Variants in YES1 observed in about 807,000 individuals in gnomAD.
The protein encoded by YES1 is tyrosine-protein kinase Yes.
A neutral mutation model predicts 70.4 loss-of-function variants in YES1; 39 were observed. That is an observed-to-expected ratio of 0.55 (90% CI 0.43 to 0.72). The LOEUF (loss-of-function observed/expected upper bound fraction) is 0.72, where lower values mean the gene tolerates loss of function less well. Ranked by LOEUF, YES1 falls within the 30% of genes least tolerant of loss-of-function variation. The pLI, the probability that YES1 is intolerant of heterozygous loss-of-function variation, is 0.00. For missense variants in YES1, 495 were observed against 644.8 expected (o/e 0.77, Z 2.52); for synonymous variants, 198 against 218.6 (o/e 0.91, Z 0.83).
intron 1 of YES1, among the ~76,000 whole-genome samples, chr18:786,225 C>T (rs949478382): frequency 7.1e-6 from 1 of 140,980 alleles, no homozygotes; most frequent in Non-Finnish European, 1.5e-5. Context: ...ACAGGAATTA[C>T]TCAAATCACC....
intron 1 of YES1, among the ~76,000 whole-genome samples, chr18:757,430 G>A (rs1296649672): frequency 6.6e-6 from 1 of 151,316 alleles, no homozygotes; most frequent in African/African-American, 2.4e-5. Context: ...GTGAACCCGG[G>A]AGGCGGAGCT....
chr18:800,170 T>C (rs1415266637), intron 1 of YES1, among the ~76,000 whole-genome samples: 1 of 152,250 alleles, frequency 6.6e-6, no homozygotes. Context: ...AAAACATTTG[T>C]GGTTACTGCA....
At chr18:769,872 A>G (rs1238466706) in intron 1 of YES1, among the ~76,000 whole-genome samples, 1 of 152,028 alleles carries the variant, frequency 6.6e-6, no homozygotes, top group Non-Finnish European at 1.5e-5. Context: ...GTTCTTTAGT[A>G]GTATTTTCCT....
intron 1 of YES1, among the ~76,000 whole-genome samples, chr18:761,974 G>A (rs1249964958): frequency 1.3e-5 from 2 of 151,994 alleles, no homozygotes; most frequent in South Asian, 2.1e-4. Context: ...ATCACCTGAG[G>A]TCGGGAGTTT....
At position 758,347 on chromosome 18, in the gene YES1, A is replaced by G. The variant is rs149400716; in HGVS notation, c.-8-1512T>C. On this transcript the variant is annotated intron_variant, in intron 1 of 11. Transcript: ENST00000314574. The stretch of plus-strand genomic sequence containing the variant: ...CTATCATACAGGACAAAGTAGATCT[A>G]TACCTTTTCCCTTCCCTGTCAATGG... Among the ~76,000 whole-genome samples, 39 of 152,290 alleles carry G rather than the reference A, an allele frequency of 2.6e-4. No homozygotes were observed. In the East Asian group the frequency reaches 6.7e-3, roughly 26 times the overall value.
At chr18:787,246 C>T (rs1023939872) in intron 1 of YES1, among the ~76,000 whole-genome samples, 1 of 151,036 alleles carries the variant, frequency 6.6e-6, no homozygotes, top group African/African-American at 2.4e-5. Flanking sequence ...ACTACAGGTG[C>T]CCACCACCAA....
intron 8 of YES1, among the ~76,000 whole-genome samples, chr18:740,956 G>A (rs527616943): frequency 6.6e-4 from 100 of 152,222 alleles, no homozygotes; most frequent in Non-Finnish European, 1.1e-3. Context: ...GGAGTGCAGC[G>A]GTGTCATCTT....
chr18:746,122 G>A (rs1396123531), intron 4 of YES1, 71 bp from the exon 5 acceptor site: 1 of 1,116,276 alleles, frequency 9.0e-7, no homozygotes, highest in African/African-American at 1.6e-5. Context: ...GTGTCAGTAA[G>A]AATGGACTGG....
upstream of YES1, chr18:812,490 C>T (rs1907467032): frequency 1.3e-5 from 2 of 152,310 alleles, no homozygotes; most frequent in Non-Finnish European, 2.9e-5. Context: ...TCCGCGGGCT[C>T]CGGGCCGCTT....
intron 6 of YES1, among the ~76,000 whole-genome samples, chr18:745,333 T>C (rs927925305): frequency 1.3e-5 from 2 of 152,222 alleles, no homozygotes; most frequent in Non-Finnish European, 2.9e-5. Flanking sequence ...ATCCAGCCCA[T>C]GCAGAGGAAG....
chr18:766,482 C>T (rs1237961816), intron 1 of YES1, among the ~76,000 whole-genome samples: 3 of 150,972 alleles, frequency 2.0e-5, no homozygotes, highest in South Asian at 2.1e-4. Context: ...TCTATGTTTT[C>T]GTATTTATGG....
intron 1 of YES1, among the ~76,000 whole-genome samples, chr18:794,635 C>T (rs1906444337): frequency 2.0e-5 from 3 of 152,150 alleles, no homozygotes; most frequent in Admixed American, 6.5e-5. Context: ...ATTCAAGTGT[C>T]AGCAGGGCTA....
intron 3 of YES1, among the ~76,000 whole-genome samples, 186 bp downstream of exon 3, chr18:751,519 G>A (rs946503505): frequency 6.6e-6 from 1 of 152,170 alleles, no homozygotes; most frequent in Non-Finnish European, 1.5e-5. Context: ...AATTGTAGAA[G>A]TAATAACTTC....
At chr18:793,468 C>T (rs1246667864) in intron 1 of YES1, among the ~76,000 whole-genome samples, 3 of 152,096 alleles carry the variant, frequency 2.0e-5, no homozygotes, top group Non-Finnish European at 2.9e-5. Flanking sequence ...TCCTGAGTAG[C>T]TAGGGCTACA....
intron 1 of YES1, among the ~76,000 whole-genome samples, chr18:806,834 G>T (rs938292297): frequency 6.6e-6 from 1 of 152,160 alleles, no homozygotes. Flanking sequence ...TCCTTCCTCT[G>T]GTTATACAAG....
At chr18:775,754 G>T (rs374671937) in intron 1 of YES1, among the ~76,000 whole-genome samples, 1 of 151,990 alleles carries the variant, frequency 6.6e-6, no homozygotes, top group East Asian at 1.9e-4. Flanking sequence ...CCGTGATTGT[G>T]CCACTGCACT....
At chr18:746,262 T>A (rs1258373663) in intron 4 of YES1, among the ~76,000 whole-genome samples, 1 of 152,204 alleles carries the variant, frequency 6.6e-6, no homozygotes, top group African/African-American at 2.4e-5. Context: ...TATTTCTATA[T>A]ATTAACTACT....
chr18:796,689 TG>T, intron 1 of YES1, among the ~76,000 whole-genome samples: 1 of 151,858 alleles, frequency 6.6e-6, no homozygotes, highest in East Asian at 1.9e-4. Context: ...ACCCGGGAGG[TG>T]GAGGTTACAG....
At chr18:810,400 G>C (rs1298484557) in intron 1 of YES1, among the ~76,000 whole-genome samples, 2 of 151,894 alleles carry the variant, frequency 1.3e-5, no homozygotes, top group Admixed American at 1.3e-4. Context: ...ATTATACTTC[G>C]ACCACAAGAC....
Sources: allele counts gnomAD v4.1 joint callset (sites outside exome capture counted in the v4.1 genomes callset), GRCh38; gene constraint gnomAD v4.1.1; transcripts MANE v1.5; gene names NCBI Gene and HGNC (gene_info 2026-07-23, HGNC 2026-07-21).